PPP3CA: variants seen among roughly 807,000 people sequenced by gnomAD.
The protein encoded by PPP3CA is CAM-PRP catalytic subunit.
A neutral mutation model predicts 66.5 loss-of-function variants in PPP3CA; 14 were observed. The ratio of observed to expected loss-of-function variants is 0.21; its 90% CI spans 0.14 to 0.33. The LOEUF (loss-of-function observed/expected upper bound fraction) is 0.33, where lower values mean the gene tolerates loss of function less well. Among genes scored for constraint, PPP3CA ranks in the 10% least tolerant of loss-of-function variants. The pLI is 1.00. For missense variants in PPP3CA, 317 were observed against 639.5 expected (o/e 0.50, Z 5.44); for synonymous variants, 232 against 226.2 (o/e 1.03, Z -0.23).
chr4:101,226,985 T>C (rs892272055), intron 1 of PPP3CA, among the ~76,000 whole-genome samples: 1 of 151,774 alleles, frequency 6.6e-6, no homozygotes, highest in Non-Finnish European at 1.5e-5. Flanking sequence ...CAAATGTTTA[T>C]AGTTCTTTTG....
intron 1 of PPP3CA, among the ~76,000 whole-genome samples, chr4:101,210,430 G>A (rs535985021): frequency 6.6e-6 from 1 of 152,244 alleles, no homozygotes; most frequent in South Asian, 2.1e-4. Context: ...ATTGTTCTAT[G>A]CTATAGCTGA....
At chr4:101,139,788 G>A (rs1275254436) in intron 2 of PPP3CA, among the ~76,000 whole-genome samples, 1 of 135,240 alleles carries the variant, frequency 7.4e-6, no homozygotes, top group African/African-American at 2.8e-5. Flanking sequence ...TAACACAAAA[G>A]ATAAAAGGCT....
chr4:101,081,962 T>A (rs1297148918), intron 7 of PPP3CA, among the ~76,000 whole-genome samples: 2 of 152,196 alleles, frequency 1.3e-5, no homozygotes, highest in East Asian at 3.8e-4. Flanking sequence ...GATGACATAA[T>A]CTCAATTTTT....
chr4:101,274,399 G>T (rs1727427635), intron 1 of PPP3CA, among the ~76,000 whole-genome samples: 1 of 152,072 alleles, frequency 6.6e-6, no homozygotes, highest in Admixed American at 6.5e-5. Flanking sequence ...AATTAGTATT[G>T]AAGGATATTT....
chr4:101,248,117 A>C (rs959459471), intron 1 of PPP3CA, among the ~76,000 whole-genome samples: 1 of 152,234 alleles, frequency 6.6e-6, no homozygotes, highest in Non-Finnish European at 1.5e-5. Context: ...GTTGTTGGCA[A>C]GTCCATAAAC....
intron 8 of PPP3CA, among the ~76,000 whole-genome samples, chr4:101,078,187 A>G (rs1264314254): frequency 6.6e-6 from 1 of 152,204 alleles, no homozygotes; most frequent in African/African-American, 2.4e-5. Context: ...AATATATAAA[A>G]GCATACTTTA....
chr4:101,040,405 C>A, intron 11 of PPP3CA, 77 bp downstream of exon 11: 2 of 971,516 alleles, frequency 2.1e-6, no homozygotes, highest in Non-Finnish European at 2.9e-6. Flanking sequence ...TTTAAATTAC[C>A]AGATGAAAGT....
chr4:101,025,606 A>T lies in PPP3CA; in HGVS notation c.*259T>A, dbSNP rs1726596442. ...ATACTAGCATTAGCTTTCTTTTTAA[A>T]ATTTTTTTTCTCTATAAGCATTTTT... On this transcript the variant is annotated 3_prime_UTR_variant, in exon 14 of 14. Coordinates refer to ENST00000394854, the MANE Select transcript of PPP3CA (RefSeq NM_000944.5). The T allele has an allele frequency of 3.0e-6, 1 of 330,506 alleles. No individual in the cohort carries two copies. The allele number at this position is 330,506 out of a possible 1,614,324, so 20.5% of individuals were successfully genotyped here.
chr4:101,279,721 A>G (rs1205612718), intron 1 of PPP3CA, among the ~76,000 whole-genome samples: 2 of 152,182 alleles, frequency 1.3e-5, no homozygotes, highest in South Asian at 4.1e-4. Flanking sequence ...CTGTGAGGTC[A>G]GGAAGTAGAA....
chr4:101,330,674 A>T (rs761120758), intron 1 of PPP3CA, among the ~76,000 whole-genome samples: 1 of 152,130 alleles, frequency 6.6e-6, no homozygotes, highest in South Asian at 2.1e-4. Flanking sequence ...CAAACCGACA[A>T]TATCTCCAAA....
At chr4:101,119,377 T>C (rs1486899304) in intron 2 of PPP3CA, among the ~76,000 whole-genome samples, 1 of 152,066 alleles carries the variant, frequency 6.6e-6, no homozygotes, top group African/African-American at 2.4e-5. Context: ...CATTTTCTTT[T>C]GTAGCAAAGC....
rs1270077332 is a variant in PPP3CA at position 101,040,539 on chromosome 4, A to C, written c.1184T>G (p.Val395Gly). The change falls in exon 11 of 14, where the codon GTG becomes GGG. Residue 395 changes from valine (V) to glycine (G), a missense_variant. Coordinates refer to ENST00000394854, the MANE Select transcript of PPP3CA (RefSeq NM_000944.5). ...DGATAAARKE[V>G]IRNKIRAIGK... ...TATTGCTCGGATCTTGTTCCTTATCACCTCTTTCCGGGCTGCAGCTGTTGC... is the reference window on the plus strand; with the variant it reads ...TATTGCTCGGATCTTGTTCCTTATCCCCTCTTTCCGGGCTGCAGCTGTTGC... The C allele has an allele frequency of 6.2e-7, 1 of 1,613,214 alleles. No homozygotes were observed. Among genetic ancestry groups the C allele is most frequent in the Non-Finnish European group, 8.5e-7 (1 of 1,179,716 alleles).
intron 6 of PPP3CA, among the ~76,000 whole-genome samples, chr4:101,087,250 C>T (rs557416743): frequency 6.6e-6 from 1 of 151,394 alleles, no homozygotes; most frequent in African/African-American, 2.5e-5. Context: ...GGATCAAGTC[C>T]TAAGGGGCCA....
At chr4:101,281,643 T>G (rs1436204105) in intron 1 of PPP3CA, among the ~76,000 whole-genome samples, 1 of 152,246 alleles carries the variant, frequency 6.6e-6, no homozygotes, top group African/African-American at 2.4e-5. Flanking sequence ...CAGATGGTTT[T>G]TAAGTCAATC....
intron 1 of PPP3CA, among the ~76,000 whole-genome samples, chr4:101,244,711 A>T (rs943425727): frequency 6.6e-6 from 1 of 152,214 alleles, no homozygotes; most frequent in Non-Finnish European, 1.5e-5. Context: ...TTTCAGAAGA[A>T]TTCAAAATAC....
At chr4:101,100,017 T>C (rs2110255084) in intron 3 of PPP3CA, among the ~76,000 whole-genome samples, 1 of 150,652 alleles carries the variant, frequency 6.6e-6, no homozygotes, top group East Asian at 2.0e-4. Context: ...CTGAGGAGAG[T>C]GGGAGTTTAA....
intron 1 of PPP3CA, among the ~76,000 whole-genome samples, chr4:101,218,061 T>G (rs1725509518): frequency 6.6e-6 from 1 of 152,076 alleles, no homozygotes; most frequent in African/African-American, 2.4e-5. Flanking sequence ...AACTTGAGGA[T>G]GAACTACCTG....
At chr4:101,161,863 T>C (rs558163903) in intron 2 of PPP3CA, among the ~76,000 whole-genome samples, 1 of 152,292 alleles carries the variant, frequency 6.6e-6, no homozygotes, top group Non-Finnish European at 1.5e-5. Context: ...AAAGTGATCA[T>C]TTTGTCACAG....
At position 101,305,723 on chromosome 4, in the gene PPP3CA, T is replaced by A. The variant is rs532726512; in HGVS notation, c.58+41016A>T. The stretch of plus-strand genomic sequence containing the variant: ...ATTCAACAGCAATTTCAGAATGAAA[T>A]CATTTGTCACAATCTTCCTATTTCA... On this transcript the variant is annotated intron_variant, in intron 1 of 13. Transcript: ENST00000394854. 4.6e-5 allele frequency among the ~76,000 whole-genome samples: 7 copies of A among 152,336 alleles called. No individual in the cohort carries two copies. In the East Asian group the frequency reaches 1.3e-3, roughly 29 times the overall value.
Sources: gnomAD v4.1 joint callset for allele counts (sites outside exome capture counted in the v4.1 genomes callset) on GRCh38, gnomAD v4.1.1 for gene constraint, MANE v1.5 for transcripts, NCBI Gene and HGNC (gene_info 2026-07-23, HGNC 2026-07-21) for gene names.